Variants in EYA4 observed in about 807,000 individuals in gnomAD.
EYA4 encodes the protein EYA transcriptional coactivator and phosphatase 4.
A neutral mutation model predicts 87.9 loss-of-function variants in EYA4; 31 were observed. That is an observed-to-expected ratio of 0.35 (90% CI 0.27 to 0.48). EYA4 has a LOEUF of 0.48. EYA4 is among the 20% of genes least tolerant of loss of function. The pLI, the probability that EYA4 is intolerant of heterozygous loss-of-function variation, is 0.99. For missense variants in EYA4, 678 were observed against 761.4 expected (o/e 0.89, Z 1.29); for synonymous variants, 263 against 270.6 (o/e 0.97, Z 0.28).
chr6:133,245,767 A>T (rs1162275451), intron 1 of EYA4, among the ~76,000 whole-genome samples: 1 of 152,226 alleles, frequency 6.6e-6, no homozygotes. Context: ...ACTTAAGTGG[A>T]AGAAAATGAA....
At chr6:133,275,075 T>C (rs1228670521) in intron 2 of EYA4, among the ~76,000 whole-genome samples, 2 of 152,164 alleles carry the variant, frequency 1.3e-5, no homozygotes, top group Non-Finnish European at 2.9e-5. Flanking sequence ...GAAATCATGA[T>C]GCATGTTTTA....
chr6:133,487,996 G>T (rs1357387407), intron 13 of EYA4, among the ~76,000 whole-genome samples: 1 of 152,140 alleles, frequency 6.6e-6, no homozygotes, highest in Non-Finnish European at 1.5e-5. Flanking sequence ...GGTCAGAGGG[G>T]TGCCCACTGC....
chr6:133,385,401 G>C (rs375704968), intron 3 of EYA4, among the ~76,000 whole-genome samples: 25,607 of 118,924 alleles, frequency 0.22, 3,673 homozygotes, highest in Middle Eastern at 0.34. Flanking sequence ...CTGTGTGTGT[G>C]TGTGTGTGTG....
chr6:133,253,452 C>A (rs918395631), intron 1 of EYA4, among the ~76,000 whole-genome samples: 2 of 152,096 alleles, frequency 1.3e-5, no homozygotes, highest in African/African-American at 4.8e-5. Context: ...GTATTCAAGT[C>A]ACATATCTCC....
intron 13 of EYA4, among the ~76,000 whole-genome samples, chr6:133,495,135 G>C (rs1330518365): frequency 6.6e-6 from 1 of 151,816 alleles, no homozygotes; most frequent in African/African-American, 2.4e-5. Context: ...CAGGTGTGGT[G>C]GTGGGCACCT....
chr6:133,326,952 T>A (rs1781546945), intron 2 of EYA4, among the ~76,000 whole-genome samples: 1 of 152,172 alleles, frequency 6.6e-6, no homozygotes, highest in Non-Finnish European at 1.5e-5. Context: ...CCCCTGTGCC[T>A]TGACCTCTCG....
intron 14 of EYA4, chr6:133,511,532 A>T (rs1459596150): frequency 1.3e-5 from 2 of 151,916 alleles, no homozygotes; most frequent in African/African-American, 4.8e-5. Flanking sequence ...AAATGCCCTC[A>T]CCAAATTTCA....
At chr6:133,458,134 C>T (rs1794061901) in intron 6 of EYA4, among the ~76,000 whole-genome samples, 1 of 152,070 alleles carries the variant, frequency 6.6e-6, no homozygotes, top group South Asian at 2.1e-4. Flanking sequence ...CTGAAATTCA[C>T]TCATATTGTC....
In EYA4 at chr6:133,468,622, A is replaced by G. The variant is rs775461679; in HGVS notation, c.861A>G (p.Ala287=). 1.4e-5 allele frequency: 22 copies of G among 1,612,722 alleles called. No individual in the cohort carries two copies. Among genetic ancestry groups the G allele is most frequent in the Non-Finnish European group, 1.6e-5 (19 of 1,179,090 alleles). Residue 287 remains alanine, a synonymous_variant, in exon 11 of 20, where the codon GCA becomes GCG. Transcript: ENST00000355286. The part of the protein sequence containing the change: ...GQNQYAQYYS[A]STYGAYMTSN... ...ACCAGTATGCACAGTATTATTCAGCATCAACGTATGGAGCGTATATGACAT... is the reference window on the plus strand; with the variant it reads ...ACCAGTATGCACAGTATTATTCAGCGTCAACGTATGGAGCGTATATGACAT...
intron 2 of EYA4, among the ~76,000 whole-genome samples, chr6:133,341,666 A>G (rs34585135): frequency 0.094 from 14,310 of 152,210 alleles, 779 homozygotes; most frequent in South Asian, 0.13. Flanking sequence ...GCATTAAAAA[A>G]AAAACATTGA....
rs568665526 is a variant in EYA4 at position 133,529,551 on chromosome 6, A to G, written c.*746A>G. 2.9e-5 allele frequency: 28 copies of G among 965,042 alleles called. No individual in the cohort carries two copies. The African/African-American group carries it at 4.9e-4, about 17-fold the overall frequency. 59.8% of individuals were successfully genotyped at this position (965,042 alleles called of 1,614,324 possible). On this transcript the variant is annotated 3_prime_UTR_variant, in exon 20 of 20. Transcript: ENST00000355286. ...AAAAACAAAAAAAAAAACCTTTGTG[A>G]TGATTCTTAACATGACCAAATTTAA...
chr6:133,357,270 CAAA>C (rs754202361), intron 2 of EYA4, among the ~76,000 whole-genome samples: 1,073 of 65,212 alleles, frequency 0.016, 2 homozygotes, highest in Middle Eastern at 0.031. Flanking sequence ...GACTCCGTCT[CAAA>C]AAAAAAAAAA....
intron 2 of EYA4, among the ~76,000 whole-genome samples, chr6:133,332,609 T>A (rs1782051075): frequency 6.6e-6 from 1 of 152,148 alleles, no homozygotes; most frequent in Non-Finnish European, 1.5e-5. Context: ...AGTGGCTTTA[T>A]CTCAGCTAAC....
chr6:133,289,829 C>G (rs1778343937), intron 2 of EYA4, among the ~76,000 whole-genome samples: 1 of 152,140 alleles, frequency 6.6e-6, no homozygotes, highest in Non-Finnish European at 1.5e-5. Context: ...ATACAAATAA[C>G]TTTGTAAGGG....
At chr6:133,447,753 A>T (rs1391789645) in intron 4 of EYA4, among the ~76,000 whole-genome samples, 1 of 152,118 alleles carries the variant, frequency 6.6e-6, no homozygotes, top group Non-Finnish European at 1.5e-5. Flanking sequence ...CTTGTTTATG[A>T]TGTTTATTTG....
At chr6:133,458,305 A>G (rs779250478) in intron 6 of EYA4, among the ~76,000 whole-genome samples, 5 of 152,038 alleles carry the variant, frequency 3.3e-5, no homozygotes, top group Non-Finnish European at 5.9e-5. Flanking sequence ...ATTTTTATTA[A>G]TTGATTTTGA....
At chr6:133,419,512 G>A (rs144792276) in intron 3 of EYA4, among the ~76,000 whole-genome samples, 1 of 152,176 alleles carries the variant, frequency 6.6e-6, no homozygotes, top group Non-Finnish European at 1.5e-5. Flanking sequence ...ATAAAACTCA[G>A]TATCCTCCAA....
At chr6:133,517,107 T>C (rs977585517) in intron 17 of EYA4, among the ~76,000 whole-genome samples, 4 of 152,158 alleles carry the variant, frequency 2.6e-5, no homozygotes, top group African/African-American at 9.7e-5. Flanking sequence ...CCTTCCACAA[T>C]GGCTGAACTA....
chr6:133,254,510 A>G (rs998999833), intron 1 of EYA4, among the ~76,000 whole-genome samples: 2 of 152,208 alleles, frequency 1.3e-5, no homozygotes, highest in African/African-American at 2.4e-5. Flanking sequence ...TTTCCATACA[A>G]AGATGAGCAA....
Sources: allele counts gnomAD v4.1 joint callset (sites outside exome capture counted in the v4.1 genomes callset), GRCh38; gene constraint gnomAD v4.1.1; transcripts MANE v1.5; gene names NCBI Gene and HGNC (gene_info 2026-07-23, HGNC 2026-07-21).